SYTL3: variants seen among roughly 807,000 people sequenced by gnomAD.
SYTL3 encodes synaptotagmin-like protein 3.
A neutral mutation model predicts 82.1 loss-of-function variants in SYTL3; 88 were observed. The observed-to-expected ratio is 1.07, with a 90% CI of 0.90 to 1.28. The LOEUF (loss-of-function observed/expected upper bound fraction) is 1.28, where lower values mean the gene tolerates loss of function less well. Among genes scored for constraint, SYTL3 ranks in the 50% most tolerant of loss-of-function variants. SYTL3 has a pLI of 0.00. For synonymous variants in SYTL3, 311 were observed against 289.4 expected, an observed-to-expected ratio of 1.07 and a Z score of -0.76; for missense variants, 831 against 757.6, an observed-to-expected ratio of 1.10 and a Z score of -1.14.
intron 6 of SYTL3, among the ~76,000 whole-genome samples, chr6:158,687,141 A>G (rs1449875553): frequency 6.6e-6 from 1 of 152,168 alleles, no homozygotes; most frequent in East Asian, 1.9e-4. Flanking sequence ...TGTATAGCAA[A>G]TTCCCCTCAA....
At chr6:158,698,495 T>G (rs561742126) in intron 6 of SYTL3, among the ~76,000 whole-genome samples, 1 of 152,008 alleles carries the variant, frequency 6.6e-6, no homozygotes, top group South Asian at 2.1e-4. Flanking sequence ...TAGGTCAAAC[T>G]TTTAGAGAGA....
upstream of SYTL3, among the ~76,000 whole-genome samples, chr6:158,649,534 G>A (rs572998708): frequency 1.3e-5 from 2 of 152,358 alleles, no homozygotes; most frequent in Non-Finnish European, 2.9e-5. Context: ...AGTTAGCAGG[G>A]CAGGGACACT....
At chr6:158,685,555 A>G (rs189603428) in intron 6 of SYTL3, among the ~76,000 whole-genome samples, 1,725 of 151,470 alleles carry the variant, frequency 0.011, 14 homozygotes, top group Middle Eastern at 0.02. Context: ...CCGGTGGCTC[A>G]CACTTGTAAT....
At chr6:158,736,166 A>G (rs1191366371) in intron 11 of SYTL3, among the ~76,000 whole-genome samples, 1 of 152,216 alleles carries the variant, frequency 6.6e-6, no homozygotes, top group Non-Finnish European at 1.5e-5. Flanking sequence ...CCTGGCCAAC[A>G]TAGTGAAACC....
chr6:158,702,590 T>A (rs908109242), intron 6 of SYTL3, among the ~76,000 whole-genome samples: 10 of 151,872 alleles, frequency 6.6e-5, no homozygotes, highest in Non-Finnish European at 1.2e-4. Flanking sequence ...TGGGACATGG[T>A]TGTTGGTTTC....
At chr6:158,702,609 CGT>C (rs1781446529) in intron 6 of SYTL3, among the ~76,000 whole-genome samples, 1 of 151,838 alleles carries the variant, frequency 6.6e-6, no homozygotes, top group African/African-American at 2.4e-5. Flanking sequence ...TCCAGGTGGT[CGT>C]TTCCCCCCGG....
At position 158,684,650 on chromosome 6, in the gene SYTL3, AG is replaced by A. The variant is rs534697405; in HGVS notation, c.394+1663del. ...TTTTCTAGAAAAAGTGGCAATTTGC[AG>A]GTAGGGAAATAAGCCATAGAACCTC... On this transcript the variant is annotated intron_variant, in intron 6 of 17. Coordinates refer to ENST00000611299, the MANE Select transcript of SYTL3 (RefSeq NM_001242394.2). 9.8e-5 allele frequency among the ~76,000 whole-genome samples: 15 copies of A among 152,316 alleles called. No homozygotes were observed. The East Asian group carries it at 2.9e-3, about 29-fold the overall frequency.
At chr6:158,746,856 G>A (rs1787733960) in intron 12 of SYTL3, among the ~76,000 whole-genome samples, 1 of 151,298 alleles carries the variant, frequency 6.6e-6, no homozygotes, top group Non-Finnish European at 1.5e-5. Flanking sequence ...GTCTCACTAT[G>A]TTGCTCAACC....
At position 158,702,670 on chromosome 6, in the gene SYTL3, T is replaced by C. The variant is rs923653362; in HGVS notation, c.395-4560T>C. On this transcript the variant is annotated intron_variant, in intron 6 of 17. Coordinates refer to ENST00000611299, the MANE Select transcript of SYTL3 (RefSeq NM_001242394.2). ...ATAGAAGCAGAGCGGTGACCCCGTG[T>C]CTGTACAGCCCTCGACTATCCCCGT... Among the ~76,000 whole-genome samples, 3 of 152,126 alleles carry C rather than the reference T, an allele frequency of 2.0e-5. No homozygotes were observed. The South Asian group carries it at 6.2e-4, about 32-fold the overall frequency.
At chr6:158,750,051 A>G (rs1446914753) in intron 12 of SYTL3, among the ~76,000 whole-genome samples, 2 of 152,204 alleles carry the variant, frequency 1.3e-5, no homozygotes, top group Non-Finnish European at 2.9e-5. Context: ...CATTCAGTGG[A>G]ATGATACGTA....
At chr6:158,704,604 T>C (rs1781771469) in intron 6 of SYTL3, among the ~76,000 whole-genome samples, 1 of 152,178 alleles carries the variant, frequency 6.6e-6, no homozygotes. Context: ...GACAATTGGT[T>C]TGCTGGAGTG....
At chr6:158,733,527 CTG>C (rs1785697025) in intron 11 of SYTL3, among the ~76,000 whole-genome samples, 1 of 151,984 alleles carries the variant, frequency 6.6e-6, no homozygotes. Context: ...CAGGGTTTCA[CTG>C]TGTTAGCCAG....
chr6:158,761,549 C>A (rs185468683), intron 15 of SYTL3, among the ~76,000 whole-genome samples: 34 of 152,122 alleles, frequency 2.2e-4, no homozygotes, highest in African/African-American at 8.2e-4. Context: ...ACCTCATGAT[C>A]CGCCCACCTT....
At chr6:158,748,659 A>T (rs574515488) in intron 12 of SYTL3, among the ~76,000 whole-genome samples, 2 of 152,224 alleles carry the variant, frequency 1.3e-5, no homozygotes, top group East Asian at 3.9e-4. Flanking sequence ...AGCCTGGCCA[A>T]CATGGTGAAA....
At chr6:158,679,068 C>G (rs551326950) in intron 5 of SYTL3, among the ~76,000 whole-genome samples, 33 of 152,228 alleles carry the variant, frequency 2.2e-4, no homozygotes, top group African/African-American at 7.9e-4. Context: ...GAGTGGTCCT[C>G]CTTTGTAAAC....
intron 6 of SYTL3, among the ~76,000 whole-genome samples, chr6:158,706,228 T>C (rs368704049): frequency 3.3e-5 from 5 of 152,214 alleles, no homozygotes; most frequent in Non-Finnish European, 7.4e-5. Flanking sequence ...TTAGCCATGA[T>C]TTCAAAGACT....
chr6:158,749,281 T>C (rs1214837513), intron 12 of SYTL3, among the ~76,000 whole-genome samples: 1 of 147,524 alleles, frequency 6.8e-6, no homozygotes, highest in Non-Finnish European at 1.5e-5. Flanking sequence ...TAGTCCCAGC[T>C]ACTTGGGAGG....
At chr6:158,738,258 C>T (rs1352068483) in intron 11 of SYTL3, among the ~76,000 whole-genome samples, 3 of 152,146 alleles carry the variant, frequency 2.0e-5, no homozygotes, top group Admixed American at 2.0e-4. Flanking sequence ...TTTTTTTGCT[C>T]TCCACAACAA....
At chr6:158,749,058 C>T (rs563011435) in intron 12 of SYTL3, among the ~76,000 whole-genome samples, 2 of 151,444 alleles carry the variant, frequency 1.3e-5, no homozygotes, top group Non-Finnish European at 2.9e-5. Context: ...CCCGTCTCTA[C>T]TAAAAATACA....
Sources: allele counts gnomAD v4.1 joint callset (sites outside exome capture counted in the v4.1 genomes callset), GRCh38; gene constraint gnomAD v4.1.1; transcripts MANE v1.5; gene names NCBI Gene and HGNC (gene_info 2026-07-23, HGNC 2026-07-21).